PCDH19: variants seen among roughly 807,000 people sequenced by gnomAD.
PCDH19 encodes protocadherin 19, also known as protocadherin-19.
A neutral mutation model predicts 46.2 loss-of-function variants in PCDH19; 6 were observed. The observed-to-expected ratio is 0.13, with a 90% confidence interval of 0.07 to 0.26. The LOEUF (loss-of-function observed/expected upper bound fraction) is 0.26. Among genes scored for constraint, PCDH19 ranks in the 10% least tolerant of loss-of-function variants. The pLI is 1.00. For missense variants in PCDH19, 740 were observed against 972.3 expected, an observed-to-expected ratio of 0.76 and a Z score of 3.18; for synonymous variants, 481 against 415.7, an observed-to-expected ratio of 1.16 and a Z score of -1.91.
chrX:100,388,651 T>C (rs773163106), intron 3 of PCDH19, among the ~76,000 whole-genome samples: 2 of 111,067 alleles, frequency 1.8e-5, no homozygotes, highest in East Asian at 5.6e-4. Context: ...TATTGCCAAA[T>C]TGCCCCCAGG....
intron 3 of PCDH19, among the ~76,000 whole-genome samples, chrX:100,357,481 C>T (rs1926751690): frequency 8.9e-6 from 1 of 111,886 alleles, no homozygotes; most frequent in South Asian, 3.7e-4. Flanking sequence ...TCATTTTTTT[C>T]TCACCTGCAT....
chrX:100,325,369 CTT>C (rs72174481), intron 5 of PCDH19, among the ~76,000 whole-genome samples: 12,761 of 80,934 alleles, frequency 0.16, 883 homozygotes, highest in Non-Finnish European at 0.23. Context: ...CTATAATGAT[CTT>C]TTTTTTTTTT....
chrX:100,324,856 A>G (rs190832230), intron 5 of PCDH19, among the ~76,000 whole-genome samples: 1 of 111,280 alleles, frequency 9.0e-6, no homozygotes, highest in Admixed American at 9.6e-5. Context: ...TACATGTGTC[A>G]TCTCATTTAA....
chrX:100,296,542 G>A lies in PCDH19; in HGVS notation c.3182C>T (p.Ala1061Val), dbSNP rs756173536. ...VIREAGNGCE[A>V]ISPVTSPLHL... is the part of the protein sequence containing the mutation. Reference sequence around the variant, plus strand: ...GAGGGGGGAGGTGACAGGGCTAATCGCCTCACAGCCATTGCCTGCCTCCCG... The same window carrying A: ...GAGGGGGGAGGTGACAGGGCTAATCACCTCACAGCCATTGCCTGCCTCCCG... The change falls in exon 6 of 6, where the codon GCG becomes GTG. Residue 1061 changes from alanine to valine, a missense_variant. Physicochemically the swap from Ala to Val is moderately conservative, Grantham distance 64. Coordinates refer to ENST00000373034, the MANE Select transcript of PCDH19 (RefSeq NM_001184880.2). 3 of 1,210,781 alleles carry A rather than the reference G, an allele frequency of 2.5e-6. No homozygotes were observed. Among genetic ancestry groups the A allele is most frequent in the Non-Finnish European group, 3.4e-6 (3 of 894,958 alleles).
chrX:100,308,215 T>C (rs370163414), intron 5 of PCDH19, among the ~76,000 whole-genome samples: 6 of 111,041 alleles, frequency 5.4e-5, no homozygotes, highest in African/African-American at 1.6e-4. Context: ...TGGAACAGAA[T>C]AGAGAACCCA....
intron 5 of PCDH19, among the ~76,000 whole-genome samples, chrX:100,314,963 T>C (rs1925251474): frequency 8.9e-6 from 1 of 112,034 alleles, no homozygotes; most frequent in Admixed American, 9.5e-5. Context: ...TCTCTCTTCC[T>C]TCAGTTTTGT....
intron 3 of PCDH19, among the ~76,000 whole-genome samples, chrX:100,396,900 C>A (rs1329677139): frequency 8.9e-6 from 1 of 112,158 alleles, no homozygotes; most frequent in Non-Finnish European, 1.9e-5. Context: ...TGCATTGTTT[C>A]TCATTGCTTT....
In PCDH19 at chrX:100,408,705, T is replaced by A; in HGVS notation, c.-108A>T. ...CGGGCCGCCTGTTGCGCGCGCCCCG[T>A]GGCCCCGGAGGCCGCGGGAGAAGTC... On this transcript the variant is annotated 5_prime_UTR_variant, in exon 1 of 6. Transcript: ENST00000373034. The A allele has an allele frequency of 1.5e-6, 1 of 682,212 alleles. No individual in the cohort carries two copies. The allele number at this position is 682,212 out of a possible 1,213,427, so 56.2% of individuals were successfully genotyped here.
intron 3 of PCDH19, among the ~76,000 whole-genome samples, chrX:100,353,602 G>A (rs915195189): frequency 1.8e-5 from 2 of 111,729 alleles, no homozygotes; most frequent in African/African-American, 6.5e-5. Context: ...GAAGAGACAA[G>A]TCTCGAGGGC....
intron 4 of PCDH19, 91 bp from the exon 5 acceptor site, chrX:100,342,166 G>T: frequency 1.3e-6 from 1 of 764,234 alleles, no homozygotes; most frequent in Non-Finnish European, 2.0e-6. Context: ...TCTGTAATGA[G>T]GCAAACAGTG....
rs1924606179 is a variant in PCDH19, at chrX:100,296,418, G to A, written c.3306C>T (p.Asn1102=). ...CTTCAGAGGGACGAGTAGGGCCATT[G>A]TTGACATTGTTGACATACTGCTCCA... is the stretch of plus-strand genomic sequence containing the variant. The part of the protein sequence containing the change: ...RDLEQYVNNV[N]NGPTRPSEAE... Residue 1102 remains asparagine, a synonymous_variant, in exon 6 of 6, where the codon AAC becomes AAT. Transcript: ENST00000373034. 1 of 1,208,826 alleles carries A rather than the reference G, an allele frequency of 8.3e-7. No homozygotes were observed. The highest frequency in any genetic ancestry group is 1.1e-6 in the Non-Finnish European group (1 of 894,610).
intron 5 of PCDH19, among the ~76,000 whole-genome samples, chrX:100,312,724 C>T (rs1244162392): frequency 9.0e-6 from 1 of 111,122 alleles, no homozygotes; most frequent in Non-Finnish European, 1.9e-5. Context: ...CAATATAATC[C>T]TCTGGCCTCC....
At chrX:100,393,145 G>A (rs1927909724) in intron 3 of PCDH19, among the ~76,000 whole-genome samples, 1 of 110,918 alleles carries the variant, frequency 9.0e-6, no homozygotes, top group African/African-American at 3.3e-5. Flanking sequence ...TTATTTGGCT[G>A]CTTCCTACTC....
At chrX:100,321,812 C>CA (rs1180261800) in intron 5 of PCDH19, among the ~76,000 whole-genome samples, 3 of 65,890 alleles carry the variant, frequency 4.6e-5, no homozygotes, top group African/African-American at 1.9e-4. Context: ...TTTTCTGAGA[C>CA]AGAGTCTCGC....
chrX:100,334,336 T>C (rs1040951355), intron 5 of PCDH19, among the ~76,000 whole-genome samples: 1 of 111,896 alleles, frequency 8.9e-6, no homozygotes, highest in African/African-American at 3.2e-5. Flanking sequence ...TTAGATATAC[T>C]GTTTTGCAAT....
intron 3 of PCDH19, among the ~76,000 whole-genome samples, chrX:100,383,833 TATCAATAATCAA>T: frequency 1.8e-5 from 2 of 111,564 alleles, no homozygotes; most frequent in South Asian, 7.4e-4. Context: ...TATTATAAAG[TATCAATAATCAA>T]ATCAGTGTGG....
chrX:100,390,508 G>C (rs1305492032), intron 3 of PCDH19, among the ~76,000 whole-genome samples: 2 of 111,455 alleles, frequency 1.8e-5, no homozygotes, highest in Non-Finnish European at 3.8e-5. Flanking sequence ...AGGGAGCCTA[G>C]GATAGAACAG....
At chrX:100,313,899 A>ACT (rs1555974548) in intron 5 of PCDH19, among the ~76,000 whole-genome samples, 1,308 of 69,024 alleles carry the variant, frequency 0.019, 15 homozygotes, top group African/African-American at 0.054. Context: ...ACACACACAC[A>ACT]CACACACAAA....
intron 3 of PCDH19, among the ~76,000 whole-genome samples, chrX:100,366,279 A>G (rs1205294201): frequency 8.9e-6 from 1 of 111,794 alleles, no homozygotes; most frequent in African/African-American, 3.3e-5. Context: ...TCTAAAAGGT[A>G]AATTTTCTCA....
Sources: allele counts gnomAD v4.1 joint callset (sites outside exome capture counted in the v4.1 genomes callset), GRCh38; gene constraint gnomAD v4.1.1; transcripts MANE v1.5; gene names NCBI Gene and HGNC (gene_info 2026-07-23, HGNC 2026-07-21).